The following AAK1 variants were observed in gnomAD, a reference collection of about 807,000 sequenced individuals.
The protein encoded by AAK1 is AP2-associated protein kinase 1.
Under a neutral mutation model 116.0 loss-of-function variants are expected in AAK1, and 37 were observed. The observed-to-expected ratio is 0.32, with a 90% confidence interval of 0.25 to 0.42. The LOEUF is 0.42. Among genes scored for constraint, AAK1 ranks in the 10% least tolerant of loss-of-function variants. The pLI, the probability that AAK1 is intolerant of heterozygous loss-of-function variation, is 1.00. For synonymous variants in AAK1, 458 were observed against 439.9 expected, an observed-to-expected ratio of 1.04 and a Z score of -0.51; for missense variants, 919 against 1,170.6, an observed-to-expected ratio of 0.79 and a Z score of 3.14.
At chr2:69,545,620 T>C (rs1670891870) in intron 3 of AAK1, among the ~76,000 whole-genome samples, 1 of 152,136 alleles carries the variant, frequency 6.6e-6, no homozygotes, top group South Asian at 2.1e-4. Flanking sequence ...GAAAACCCCA[T>C]GGTATGAAGT....
chr2:69,624,873 G>A (rs1672234481), intron 2 of AAK1, among the ~76,000 whole-genome samples: 1 of 152,140 alleles, frequency 6.6e-6, no homozygotes, highest in Admixed American at 6.5e-5. Context: ...CTAGAACAAT[G>A]CCTTACATTG....
chr2:69,507,470 T>A lies in AAK1; in HGVS notation c.2115A>T (p.Lys705Asn). The A allele has an allele frequency of 6.2e-7, 1 of 1,613,054 alleles. No individual in the cohort carries two copies. The highest frequency in any genetic ancestry group is 1.1e-5 in the South Asian group (1 of 90,698). ...TGTTTAGCAGTTCTTCAGCTGTGAGTTTGGAGAAATTATCGTCATCAAAGG... is the reference window on the plus strand; with the variant it reads ...TGTTTAGCAGTTCTTCAGCTGTGAGATTGGAGAAATTATCGTCATCAAAGG... ...WNPFDDDNFS[K>N]LTAEELLNKD... Residue 705 changes from lysine (K) to asparagine (N), a missense_variant, in exon 15 of 22, where the codon AAA becomes AAT. Around this residue, in one of 4 missense-constraint regions of AAK1, gnomAD observed 125 missense variants for 184.1 expected, o/e 0.68. Coordinates refer to ENST00000409085, the MANE Select transcript of AAK1 (RefSeq NM_014911.5).
At chr2:69,573,182 A>G (rs1672158671) in intron 2 of AAK1, among the ~76,000 whole-genome samples, 2 of 152,218 alleles carry the variant, frequency 1.3e-5, no homozygotes, top group African/African-American at 4.8e-5. Flanking sequence ...TTCCATAACC[A>G]GAGTCTTGGG....
At position 69,601,430 on chromosome 2, in the gene AAK1, T is replaced by C. The variant is rs538896525; in HGVS notation, c.163+41448A>G. Among the ~76,000 whole-genome samples the C allele has an allele frequency of 5.5e-3, 831 of 152,332 alleles. 9 individuals carry two copies. The highest frequency in any genetic ancestry group is 0.019 in the African/African-American group (784 of 41,568). The stretch of plus-strand genomic sequence containing the variant: ...CAGAGGCAGTTTATTGGGACTCCAA[T>C]TGACAGCATCTTAGAGGCAAAGACA... On this transcript the variant is annotated intron_variant, in intron 2 of 21. Transcript: ENST00000409085.
chr2:69,634,382 T>C (rs1456754905), intron 2 of AAK1, among the ~76,000 whole-genome samples: 3 of 152,228 alleles, frequency 2.0e-5, no homozygotes, highest in Non-Finnish European at 2.9e-5. Context: ...AACCATGCTT[T>C]CTACCTCTGC....
rs2104849220 is a variant in AAK1 at position 69,459,315 on chromosome 2, G to C, written c.*16554C>G. 6.6e-6 allele frequency: 1 copy of C among 152,354 alleles called. No homozygotes were observed. Among genetic ancestry groups the C allele is most frequent in the Non-Finnish European group, 1.5e-5 (1 of 68,088 alleles). 9.4% of individuals were successfully genotyped at this position (152,354 alleles called of 1,614,324 possible). On this transcript the variant is annotated 3_prime_UTR_variant, in exon 22 of 22. Coordinates refer to ENST00000409085, the MANE Select transcript of AAK1 (RefSeq NM_014911.5). ...GTCTGGCTCTATTGCCTGGGCTGGA[G>C]TGCAGTGACACGATCTTGGCTTAGT...
intron 11 of AAK1, among the ~76,000 whole-genome samples, 185 bp from the exon 12 acceptor site, chr2:69,519,425 T>G (rs1669655393): frequency 6.6e-6 from 1 of 152,210 alleles, no homozygotes; most frequent in African/African-American, 2.4e-5. Flanking sequence ...CTTGCTAAAT[T>G]ATGTGCTTCA....
chr2:69,565,337 T>C (rs1671818831), intron 2 of AAK1, among the ~76,000 whole-genome samples: 1 of 152,246 alleles, frequency 6.6e-6, no homozygotes, highest in African/African-American at 2.4e-5. Flanking sequence ...TAAAAATCTC[T>C]TAAACCTTGT....
Position 69,469,846 on chromosome 2 carries a change from C to G in AAK1, c.*6023G>C, listed in dbSNP as rs1674617269. On this transcript the variant is annotated 3_prime_UTR_variant, in exon 22 of 22. Coordinates refer to ENST00000409085, the MANE Select transcript of AAK1 (RefSeq NM_014911.5). The stretch of plus-strand genomic sequence containing the variant: ...GCCAGGTTAGGCACGTTGACACTTT[C>G]AATATGGGTAACTCCATATTAGTCT... 6.1e-6 allele frequency: 6 copies of G among 985,270 alleles called. No homozygotes were observed. Among genetic ancestry groups the G allele is most frequent in the Non-Finnish European group, 7.2e-6 (6 of 829,938 alleles). 61.0% of individuals were successfully genotyped at this position (985,270 alleles called of 1,614,324 possible). A position where few individuals can be genotyped will look rare whatever the true frequency, so the allele number is the denominator to read the frequency against.
chr2:69,530,612 A>G lies in AAK1; in HGVS notation c.738+13T>C, dbSNP rs767697399. On this transcript the variant is annotated intron_variant, in intron 7 of 21. Coordinates refer to ENST00000409085, the MANE Select transcript of AAK1 (RefSeq NM_014911.5). Reference sequence around the variant, plus strand: ...CTGCTATCTGAGGTATGGATAGGTTACCTGACACCTACCCAAATGTCTGCC... The same window carrying G: ...CTGCTATCTGAGGTATGGATAGGTTGCCTGACACCTACCCAAATGTCTGCC... The G allele has an allele frequency of 4.4e-6, 7 of 1,607,866 alleles. No homozygotes were observed. The highest frequency in any genetic ancestry group is 6.0e-6 in the Non-Finnish European group (7 of 1,174,442).
chr2:69,534,187 T>C (rs564204826), intron 5 of AAK1, among the ~76,000 whole-genome samples: 1 of 152,282 alleles, frequency 6.6e-6, no homozygotes, highest in East Asian at 1.9e-4. Flanking sequence ...CTCTCACAGA[T>C]GGAGAAAATG....
rs778306811 is a variant in AAK1 at position 69,519,203 on chromosome 2, G to A, written c.1248C>T (p.Pro416=). 12 of 1,588,492 alleles carry A rather than the reference G, an allele frequency of 7.6e-6. No individual in the cohort carries two copies. The highest frequency in any genetic ancestry group is 1.0e-5 in the Non-Finnish European group (12 of 1,167,684). Residue 416 remains proline (P), a synonymous_variant, in exon 12 of 22, where the codon CCC becomes CCT. Coordinates refer to ENST00000409085, the MANE Select transcript of AAK1 (RefSeq NM_014911.5). ...TGGGTGGGGCTTGGGGTTTTGGTTG[G>A]GGAACACTGGCTAAAAGGCCAGGCT... is the stretch of plus-strand genomic sequence containing the variant. ...SNQPGLLASV[P]QPKPQAPPSQ... is the part of the protein sequence containing the mutation.
At position 69,468,616 on chromosome 2, in the gene AAK1, A is replaced by C; in HGVS notation, c.*7253T>G. 5 of 985,464 alleles carry C rather than the reference A, an allele frequency of 5.1e-6. No homozygotes were observed. Among genetic ancestry groups the C allele is most frequent in the Non-Finnish European group, 6.0e-6 (5 of 829,934 alleles). 61.0% of individuals were successfully genotyped at this position (985,464 alleles called of 1,614,324 possible). A position where few individuals can be genotyped will look rare whatever the true frequency, so the allele number is the denominator to read the frequency against. ...CATACAGGTCAATAATCCAATGAAC[A>C]CTAGTTTGAACAGAGTCAGTGTTTT... On this transcript the variant is annotated 3_prime_UTR_variant, in exon 22 of 22. Coordinates refer to ENST00000409085, the MANE Select transcript of AAK1 (RefSeq NM_014911.5).
chr2:69,484,846 G>A (rs750963757), intron 17 of AAK1, among the ~76,000 whole-genome samples: 13 of 150,672 alleles, frequency 8.6e-5, no homozygotes, highest in Non-Finnish European at 1.5e-4. Context: ...TTGCACTCCA[G>A]CCTGGGTGAC....
chr2:69,607,273 G>C (rs767493073), intron 2 of AAK1, among the ~76,000 whole-genome samples: 21 of 151,930 alleles, frequency 1.4e-4, no homozygotes, highest in Non-Finnish European at 2.5e-4. Context: ...CCAGGGAGAG[G>C]GAAGGACGGG....
At chr2:69,595,492 C>T (rs761513035) in intron 2 of AAK1, among the ~76,000 whole-genome samples, 11 of 152,192 alleles carry the variant, frequency 7.2e-5, no homozygotes, top group African/African-American at 2.4e-4. Flanking sequence ...ACAAACCTGC[C>T]AAAACATTCC....
intron 3 of AAK1, among the ~76,000 whole-genome samples, chr2:69,548,374 C>T (rs1215629565): frequency 2.0e-5 from 3 of 152,050 alleles, no homozygotes; most frequent in African/African-American, 7.2e-5. Context: ...ACCAGGCAGC[C>T]CATATCTGAA....
At chr2:69,530,748 T>A in intron 6 of AAK1, 42 bp from the exon 7 acceptor site, 1 of 1,467,662 alleles carries the variant, frequency 6.8e-7, no homozygotes. Context: ...ATGTCAATAC[T>A]ATAATTAAAA....
chr2:69,481,960 C>T (rs1390400203), intron 18 of AAK1: 1 of 152,274 alleles, frequency 6.6e-6, no homozygotes, highest in Non-Finnish European at 1.5e-5. Context: ...TGTGCACCCC[C>T]ACACCTGGCT....
Sources: gnomAD v4.1 joint callset for allele counts (sites outside exome capture counted in the v4.1 genomes callset) on GRCh38, gnomAD v4.1.1 for gene constraint, gnomAD v4.1.1 regional missense constraint, MANE v1.5 for transcripts, NCBI Gene and HGNC (gene_info 2026-07-23, HGNC 2026-07-21) for gene names.